Variants in AHNAK2 observed in about 807,000 individuals in gnomAD.
AHNAK2 encodes the protein AHNAK nucleoprotein 2, also known as protein AHNAK2.
AHNAK2 carries 18 observed loss-of-function variants against 30.7 expected under a neutral mutation model. The observed-to-expected ratio is 0.59, with a 90% CI of 0.41 to 0.87. The LOEUF is 0.87. Among genes scored for constraint, AHNAK2 ranks in the 40% least tolerant of loss-of-function variants. AHNAK2 has a pLI of 0.00. For synonymous variants in AHNAK2, 3,590 were observed against 3,073.8 expected (o/e 1.17, Z -5.56); for missense variants, 8,604 against 7,373.0 (o/e 1.17, Z -6.11).
At position 104,949,175 on chromosome 14, in the gene AHNAK2, G is replaced by T. The variant is rs746196956; in HGVS notation, c.6276C>A (p.Asp2092Glu). ...PKVDLKGPQV[D>E]IKGPKLDLKD... ...TTAGGTCCAGTTTGGGGCCCTTGAT[G>T]TCCACCTGGGGGCCCTTGAGGTCCA... is the stretch of plus-strand genomic sequence containing the variant. Residue 2092 changes from aspartate (D) to glutamate (E), a missense_variant, in exon 7 of 7, where the codon GAC (aspartate) becomes GAA (glutamate). By Grantham distance (45) the Asp-to-Glu change is conservative (BLOSUM62 2). Coordinates refer to ENST00000333244, the MANE Select transcript of AHNAK2 (RefSeq NM_138420.4). 4 of 1,068,852 alleles carry T rather than the reference G, an allele frequency of 3.7e-6. No individual in the cohort carries two copies. In the African/African-American group the frequency reaches 4.2e-5, roughly 11 times the overall value. 66.2% of individuals were successfully genotyped at this position (1,068,852 alleles called of 1,614,324 possible).
At chr14:104,961,291 G>T (rs534797794) in intron 1 of AHNAK2, among the ~76,000 whole-genome samples, 140 of 152,190 alleles carry the variant, frequency 9.2e-4, no homozygotes, top group African/African-American at 3.3e-3. Context: ...GAGGCGGGCG[G>T]ATCACGAGGT....
Position 104,951,310 on chromosome 14 carries a change from G to A in AHNAK2, c.4141C>T (p.Pro1381Ser). 9.4e-7 allele frequency: 1 copy of A among 1,063,834 alleles called. No homozygotes were observed. Among genetic ancestry groups the A allele is most frequent in the East Asian group, 2.3e-5 (1 of 44,000 alleles). The allele number at this position is 1,063,834 out of a possible 1,614,324, so 65.9% of individuals were successfully genotyped here. A position where few individuals can be genotyped will look rare whatever the true frequency, so the allele number is the denominator to read the frequency against. Residue 1381 changes from proline (P) to serine (S), a missense_variant, in exon 7 of 7, where the codon CCT (proline) becomes TCT (serine). Pro to Ser is a moderately conservative substitution (Grantham distance 74, BLOSUM62 -1). Coordinates refer to ENST00000333244, the MANE Select transcript of AHNAK2 (RefSeq NM_138420.4). The part of the protein sequence containing the change: ...LKTTDLSIQP[P>S]STDLELQAGQ... ...GCCTGGAGCTCCAGGTCAGTGGAAG[G>A]GGGCTGAATGCTGAGGTCAGTGGTC...
Position 104,945,793 on chromosome 14 carries a change from C to A in AHNAK2, c.9658G>T (p.Ala3220Ser). Residue 3220 changes from alanine (A) to serine (S), a missense_variant, in exon 7 of 7, where the codon GCT becomes TCT. Coordinates refer to ENST00000333244, the MANE Select transcript of AHNAK2 (RefSeq NM_138420.4). ...TTGGGCAGGTGCCCTTTGAGGCCAG[C>A]TCCCTCGAGAACGTGGCCCTCTGGG... ...KLPEGHVLEG[A>S]GLKGHLPKLQ... 1.3e-6 allele frequency: 2 copies of A among 1,561,094 alleles called. No homozygotes were observed. Among genetic ancestry groups the A allele is most frequent in the South Asian group, 2.3e-5 (2 of 88,190 alleles).
Position 104,941,992 on chromosome 14 carries a change from C to A in AHNAK2, c.13459G>T (p.Asp4487Tyr). 1.2e-6 allele frequency: 2 copies of A among 1,613,466 alleles called. No homozygotes were observed. Among genetic ancestry groups the A allele is most frequent in the Non-Finnish European group, 1.7e-6 (2 of 1,179,676 alleles). The stretch of plus-strand genomic sequence containing the variant: ...GCCTCCATCTTTGGCGCAGACACAT[C>A]CACCGAGACCTCGATGGACTTGCCT... The part of the protein sequence containing the change: ...SPGKSIEVSV[D>Y]VSAPKMEADM... Residue 4487 changes from aspartate to tyrosine, a missense_variant, in exon 7 of 7, where the codon GAT becomes TAT. Asp to Tyr is a radical substitution (Grantham distance 160). Transcript: ENST00000333244.
rs1182699761 is a variant in AHNAK2, at chr14:104,949,068, G to A, written c.6383C>T (p.Ala2128Val). 9.3e-7 allele frequency: 1 copy of A among 1,069,816 alleles called. No individual in the cohort carries two copies. Among genetic ancestry groups the A allele is most frequent in the Admixed American group, 2.1e-5 (1 of 47,224 alleles). 66.3% of individuals were successfully genotyped at this position (1,069,816 alleles called of 1,614,324 possible). The change falls in exon 7 of 7, where the codon GCC (alanine) becomes GTC (valine). Residue 2128 changes from alanine to valine, a missense_variant. Ala to Val is a moderately conservative substitution (Grantham distance 64, BLOSUM62 0). Transcript: ENST00000333244. ...CTGCAGATGCGCACTATCCAGCTTGGCTCTTGGGGCCTGGACGTCCACCTC... is the reference window on the plus strand; with the variant it reads ...CTGCAGATGCGCACTATCCAGCTTGACTCTTGGGGCCTGGACGTCCACCTC... ...SMEVDVQAPR[A>V]KLDSAHLQGD... is the part of the protein sequence containing the mutation.
chr14:104,941,458 AT>A lies in AHNAK2; in HGVS notation c.13992del (p.Ile4667LeufsTer55). The A allele has an allele frequency of 6.2e-7, 1 of 1,612,590 alleles. No individual in the cohort carries two copies. The highest frequency in any genetic ancestry group is 8.5e-7 in the Non-Finnish European group (1 of 1,179,332). On this transcript the variant is annotated frameshift_variant, in exon 7 of 7. Transcript: ENST00000333244. LOFTEE classifies it low-confidence loss of function (END_TRUNC). The stretch of plus-strand genomic sequence containing the variant: ...TGAACAACAGATTCCACAATGGGAA[AT>A]GTGGAAGTCTTCTCATGGAATGTAA... ...GNVTFHEKTS[T>X]FPIVESVVHE...
chr14:104,948,627 G>C lies in AHNAK2; in HGVS notation c.6824C>G (p.Pro2275Arg). 6.2e-7 allele frequency: 1 copy of C among 1,612,352 alleles called. No individual in the cohort carries two copies. Among genetic ancestry groups the C allele is most frequent in the Non-Finnish European group, 8.5e-7 (1 of 1,179,722 alleles). The change falls in exon 7 of 7, where the codon CCT becomes CGT. Residue 2275 changes from proline to arginine, a missense_variant. Coordinates refer to ENST00000333244, the MANE Select transcript of AHNAK2 (RefSeq NM_138420.4). ...GCTGGGCAGAGACACCTCCACATCA[G>C]GGGCTGTCACTTCCACCTTGGGGTC... is the stretch of plus-strand genomic sequence containing the variant. ...LKDPKVEVTAPDVEVSLPSVE... is the reference protein window; with the variant it reads ...LKDPKVEVTARDVEVSLPSVE...
intron 4 of AHNAK2, 117 bp from the exon 5 acceptor site, chr14:104,955,750 G>C: frequency 2.2e-6 from 3 of 1,381,284 alleles, no homozygotes; most frequent in South Asian, 1.5e-5. Flanking sequence ...CATCAGCCCA[G>C]ACAACACAGA....
At position 104,950,115 on chromosome 14, in the gene AHNAK2, G is replaced by T. The variant is rs756057897; in HGVS notation, c.5336C>A (p.Ala1779Asp). Residue 1779 changes from alanine to aspartate, a missense_variant, in exon 7 of 7, where the codon GCC becomes GAC. Coordinates refer to ENST00000333244, the MANE Select transcript of AHNAK2 (RefSeq NM_138420.4). ...DLKGPKAEVM[A>D]PDVEVSLPSV... ...GGGCAGAGACACCTCCACGTCGGGG[G>T]CCATCACCTCCGCCTTGGGGCCTTT... 2.5e-6 allele frequency: 4 copies of T among 1,586,646 alleles called. 1 individual carries two copies. The highest frequency in any genetic ancestry group is 3.4e-6 in the Non-Finnish European group (4 of 1,163,002).
Position 104,948,848 on chromosome 14 carries a change from G to C in AHNAK2, c.6603C>G (p.Leu2201=), listed in dbSNP as rs749009656. ...CGTCGGCGGAAAGGGGCTGAATGCT[G>C]AGGTCAGTGGTCTTGAGGTCCCCCT... ...SMQGDLKTTD[L]SIQPLSADVK... Residue 2201 remains leucine (L), a synonymous_variant, in exon 7 of 7, where the codon CTC becomes CTG. Coordinates refer to ENST00000333244, the MANE Select transcript of AHNAK2 (RefSeq NM_138420.4). 6.8e-6 allele frequency: 11 copies of C among 1,611,886 alleles called. No individual in the cohort carries two copies. The highest frequency in any genetic ancestry group is 6.7e-5 in the African/African-American group (5 of 74,266).
intron 1 of AHNAK2, among the ~76,000 whole-genome samples, chr14:104,972,475 G>A (rs1258739149): frequency 2.6e-5 from 4 of 152,172 alleles, no homozygotes; most frequent in Non-Finnish European, 4.4e-5. Context: ...GAGCGGGGCC[G>A]TCATGCCAGA....
At chr14:104,968,645 G>T (rs1899381379) in intron 1 of AHNAK2, among the ~76,000 whole-genome samples, 1 of 152,224 alleles carries the variant, frequency 6.6e-6, no homozygotes, top group South Asian at 2.1e-4. Context: ...CTCCAGGTGG[G>T]AGGGCATGGT....
chr14:104,968,795 C>A (rs536570733), intron 1 of AHNAK2, among the ~76,000 whole-genome samples: 1 of 152,288 alleles, frequency 6.6e-6, no homozygotes, highest in South Asian at 2.1e-4. Flanking sequence ...CACGTGTGTG[C>A]TCACAGGATG....
At position 104,945,128 on chromosome 14, in the gene AHNAK2, C is replaced by T. The variant is rs1329835299; in HGVS notation, c.10323G>A (p.Val3441=). ...GCTTGGCTCTCGGGGCCTGGACGTC[C>T]ACCTCCACGCTGGGCAGAGACACCT... ...DVEVSLPSVE[V]DVQAPRAKLD... is the part of the protein sequence containing the mutation. The change falls in exon 7 of 7, where the codon GTG becomes GTA. Residue 3441 remains valine, a synonymous_variant. Coordinates refer to ENST00000333244, the MANE Select transcript of AHNAK2 (RefSeq NM_138420.4). The T allele has an allele frequency of 2.5e-6, 4 of 1,613,140 alleles. No homozygotes were observed. The highest frequency in any genetic ancestry group is 1.3e-5 in the African/African-American group (1 of 74,582).
Position 104,943,283 on chromosome 14 carries a change from C to T in AHNAK2, c.12168G>A (p.Met4056Ile), listed in dbSNP as rs1186849848. The T allele has an allele frequency of 6.2e-7, 1 of 1,613,036 alleles. No homozygotes were observed. Among genetic ancestry groups the T allele is most frequent in the Non-Finnish European group, 8.5e-7 (1 of 1,179,612 alleles). The change falls in exon 7 of 7, where the codon ATG becomes ATA. Residue 4056 changes from methionine to isoleucine, a missense_variant. By Grantham distance (10) the Met-to-Ile change is conservative. Transcript: ENST00000333244. ...SLKGHLPKVQ[M>I]PSFKMPKVDL... ...CCACTTTGGGCATCTTGAAACTGGGCATCTGCACCTTGGGCAGGTGCCCTT... is the reference window on the plus strand; with the variant it reads ...CCACTTTGGGCATCTTGAAACTGGGTATCTGCACCTTGGGCAGGTGCCCTT...
rs375501221 is a variant in AHNAK2, at chr14:104,943,337, C to T, written c.12114G>A (p.Glu4038=). Residue 4038 remains glutamate, a synonymous_variant, in exon 7 of 7, where the codon GAG becomes GAA. Transcript: ENST00000333244. ...QAGQVDVKLP[E]GPVPEGASLK... ...GGCTGGCTCCCTCGGGCACGGGGCC[C>T]TCTGGGAGTTTCACGTCCACTTGGC... 276 of 1,612,788 alleles carry T rather than the reference C, an allele frequency of 1.7e-4. No homozygotes were observed. The African/African-American group carries it at 3.3e-3, about 19-fold the overall frequency.
Position 104,943,565 on chromosome 14 carries a change from C to T in AHNAK2, c.11886G>A (p.Thr3962=), listed in dbSNP as rs371817706. ...GDLSLADKDM[T]AKDSKFKMPK... ...GCATTTTGAACTTGCTGTCTTTGGCCGTCATGTCCTTGTCGGCCAGGGACA... is the reference window on the plus strand; with the variant it reads ...GCATTTTGAACTTGCTGTCTTTGGCTGTCATGTCCTTGTCGGCCAGGGACA... Residue 3962 remains threonine, a synonymous_variant, in exon 7 of 7, where the codon ACG becomes ACA. Coordinates refer to ENST00000333244, the MANE Select transcript of AHNAK2 (RefSeq NM_138420.4). 115 of 1,601,888 alleles carry T rather than the reference C, an allele frequency of 7.2e-5. No individual in the cohort carries two copies. Among genetic ancestry groups the T allele is most frequent in the Admixed American group, 2.2e-4 (13 of 58,840 alleles).
chr14:104,939,037 C>T lies in AHNAK2; in HGVS notation c.16414G>A (p.Val5472Ile), dbSNP rs754065940. 2 of 1,607,744 alleles carry T rather than the reference C, an allele frequency of 1.2e-6. No homozygotes were observed. Among genetic ancestry groups the T allele is most frequent in the Middle Eastern group, 1.7e-4 (1 of 6,056 alleles). Residue 5472 changes from valine to isoleucine, a missense_variant, in exon 7 of 7, where the codon GTT becomes ATT. Val to Ile is a conservative substitution (Grantham distance 29). Transcript: ENST00000333244. ...KVRVHIQGAQ[V>I]ESQEVTIHSI... ...TGTATAGTGACCTCTTGACTTTCAA[C>T]CTGAGCACCCTGAATATGCACTCTG...
rs768279291 is a variant in AHNAK2 at position 104,944,905 on chromosome 14, G to T, written c.10546C>A (p.Leu3516Ile). The change falls in exon 7 of 7, where the codon CTC (leucine) becomes ATC (isoleucine). Residue 3516 changes from leucine (L) to isoleucine (I), a missense_variant. Transcript: ENST00000333244. ...DVSLSSMQGD[L>I]KATDLSIQPP... ...TGAATGCTGAGGTCAGTGGCCTTGA[G>T]GTCCCCCTGCATGGAGGAGAGGCTC... is the stretch of plus-strand genomic sequence containing the variant. 1.9e-6 allele frequency: 3 copies of T among 1,613,194 alleles called. No homozygotes were observed. Among genetic ancestry groups the T allele is most frequent in the African/African-American group, 2.7e-5 (2 of 74,878 alleles).
Sources: allele counts gnomAD v4.1 joint callset (sites outside exome capture counted in the v4.1 genomes callset), GRCh38; gene constraint gnomAD v4.1.1; transcripts MANE v1.5; gene names NCBI Gene and HGNC (gene_info 2026-07-23, HGNC 2026-07-21).